Variants in OR7A5 observed in about 807,000 individuals in gnomAD.
OR7A5 encodes the protein olfactory receptor 7A5.
For synonymous variants in OR7A5, 140 were observed against 146.7 expected (o/e 0.95, Z 0.33); for missense variants, 319 against 377.9 (o/e 0.84, Z 1.29).
intron 1 of OR7A5, among the ~76,000 whole-genome samples, chr19:14,831,807 G>C (rs557654364): frequency 6.6e-6 from 1 of 152,032 alleles, no homozygotes; most frequent in East Asian, 1.9e-4. Context: ...CAAATCCAAT[G>C]AGCTTGTTTC....
At chr19:14,829,786 T>C (rs2044813157) in intron 1 of OR7A5, among the ~76,000 whole-genome samples, 1 of 152,160 alleles carries the variant, frequency 6.6e-6, no homozygotes, top group Non-Finnish European at 1.5e-5. Context: ...TCCTTTATAA[T>C]AAAATATATT....
chr19:14,827,882 A>T lies in OR7A5; in HGVS notation c.360T>A (p.Tyr120Ter). 3.1e-6 allele frequency: 5 copies of T among 1,614,240 alleles called. No homozygotes were observed. Among genetic ancestry groups the T allele is most frequent in the South Asian group, 1.1e-5 (1 of 91,090 alleles). Reference protein sequence around the residue: ...FENFLLSVMAYDRFVAICHPL... With the variant: ...FENFLLSVMA ...GGTGACAGATGGCCACAAACCGGTCATAGGCCATCACGGACAGGAGGAAGT... is the reference window on the plus strand; with the variant it reads ...GGTGACAGATGGCCACAAACCGGTCTTAGGCCATCACGGACAGGAGGAAGT... Residue 120 changes from tyrosine to a stop codon, truncating the protein, a stop_gained, in exon 2 of 2, where the codon TAT becomes TAA. Coordinates refer to ENST00000322301, the MANE Select transcript of OR7A5 (RefSeq NM_017506.2). LOFTEE classifies it low-confidence loss of function (END_TRUNC).
intron 1 of OR7A5, among the ~76,000 whole-genome samples, chr19:14,834,723 T>G (rs1599929131): frequency 6.6e-6 from 1 of 152,174 alleles, no homozygotes; most frequent in Admixed American, 6.5e-5. Context: ...TGACTGTATA[T>G]CCCTCCACAG....
intron 1 of OR7A5, among the ~76,000 whole-genome samples, chr19:14,828,658 C>A (rs1426870119): frequency 6.9e-6 from 1 of 145,516 alleles, no homozygotes; most frequent in Non-Finnish European, 1.5e-5. Flanking sequence ...ACTTGGGAGG[C>A]TGAGGCAAGG....
rs2145074818 is a variant in OR7A5 at position 14,826,657 on chromosome 19, A to G, written c.*625T>C. ...ACTGTAAGTCCATATTAAGTTAATC[A>G]ACATATGCAAGTTTGTCTTTCAGTG... On this transcript the variant is annotated 3_prime_UTR_variant, in exon 2 of 2. Transcript: ENST00000322301. The G allele has an allele frequency of 6.6e-6, 1 of 152,340 alleles. No individual in the cohort carries two copies. The highest frequency in any genetic ancestry group is 6.5e-5 in the Admixed American group (1 of 15,298). The allele number at this position is 152,340 out of a possible 1,614,324, so 9.4% of individuals were successfully genotyped here. A position where few individuals can be genotyped will look rare whatever the true frequency, so the allele number is the denominator to read the frequency against.
Position 14,827,667 on chromosome 19 carries a change from C to G in OR7A5, c.575G>C (p.Ser192Thr). ...ATATATCACCATGTGATTAAGAAAG[C>G]TATCAGAACAAGCAAGTTGGATGAC... Reference protein sequence around the residue: ...NQVIQLACSDSFLNHMVIYFT... With the variant: ...NQVIQLACSDTFLNHMVIYFT... Residue 192 changes from serine to threonine, a missense_variant, in exon 2 of 2, where the codon AGC becomes ACC. Physicochemically the swap from Ser to Thr is moderately conservative, Grantham distance 58. Coordinates refer to ENST00000322301, the MANE Select transcript of OR7A5 (RefSeq NM_017506.2). 6.2e-7 allele frequency: 1 copy of G among 1,614,164 alleles called. No homozygotes were observed. The highest frequency in any genetic ancestry group is 8.5e-7 in the Non-Finnish European group (1 of 1,180,034).
chr19:14,832,202 G>A (rs140272127), intron 1 of OR7A5, among the ~76,000 whole-genome samples: 4 of 152,116 alleles, frequency 2.6e-5, no homozygotes, highest in African/African-American at 9.6e-5. Flanking sequence ...GAGTCACCTC[G>A]CTTGGCCTGA....
intron 1 of OR7A5, among the ~76,000 whole-genome samples, chr19:14,829,445 C>T (rs924693292): frequency 3.3e-5 from 5 of 152,128 alleles, no homozygotes; most frequent in South Asian, 2.1e-4. Flanking sequence ...TCAGGTGATC[C>T]GCTCACCTCG....
At chr19:14,831,184 T>C (rs8109791) in intron 1 of OR7A5, among the ~76,000 whole-genome samples, 70,196 of 152,036 alleles carry the variant, frequency 0.46, 16,841 homozygotes, top group East Asian at 0.81. Flanking sequence ...TAATGATACC[T>C]TTTTTGGCAA....
intron 1 of OR7A5, among the ~76,000 whole-genome samples, chr19:14,833,687 C>T (rs1291149604): frequency 2.0e-5 from 3 of 152,118 alleles, no homozygotes; most frequent in East Asian, 1.9e-4. Context: ...TAATTTTAAA[C>T]GCTGGTAACT....
Position 14,826,327 on chromosome 19 carries a change from T to G in OR7A5, c.*955A>C, listed in dbSNP as rs1008533572. 6.6e-6 allele frequency: 1 copy of G among 152,232 alleles called. No homozygotes were observed. The highest frequency in any genetic ancestry group is 2.4e-5 in the African/African-American group (1 of 41,466). The allele number at this position is 152,232 out of a possible 1,614,324, so 9.4% of individuals were successfully genotyped here. A position where few individuals can be genotyped will look rare whatever the true frequency, so the allele number is the denominator to read the frequency against. On this transcript the variant is annotated 3_prime_UTR_variant, in exon 2 of 2. Transcript: ENST00000322301. The stretch of plus-strand genomic sequence containing the variant: ...AATAAATTGATGATACATTGAATAT[T>G]GTTCACTGACCTGCACTTTAATGTT...
At chr19:14,828,679 G>A (rs2044799293) in intron 1 of OR7A5, among the ~76,000 whole-genome samples, 2 of 141,354 alleles carry the variant, frequency 1.4e-5, no homozygotes, top group South Asian at 4.8e-4. Flanking sequence ...AGAATCTCTT[G>A]ACCCCGGGAG....
At chr19:14,831,885 A>ACTATT (rs1178267236) in intron 1 of OR7A5, among the ~76,000 whole-genome samples, 1 of 152,056 alleles carries the variant, frequency 6.6e-6, no homozygotes, top group African/African-American at 2.4e-5. Context: ...ACACGTCATG[A>ACTATT]CTATTCTATT....
Position 14,829,338 on chromosome 19 carries a change from G to C in OR7A5, c.-13-1084C>G, listed in dbSNP as rs149033681. ...CCTGCCTCAGCCTCCCGAGTAGCTG[G>C]GATTACAGGCATGCACCACCACGCC... On this transcript the variant is annotated intron_variant, in intron 1 of 1. Transcript: ENST00000322301. Among the ~76,000 whole-genome samples, 6 of 152,288 alleles carry C rather than the reference G, an allele frequency of 3.9e-5. No individual in the cohort carries two copies. In the East Asian group the frequency reaches 1.2e-3, roughly 29 times the overall value.
At chr19:14,829,712 T>C (rs950312837) in intron 1 of OR7A5, among the ~76,000 whole-genome samples, 1 of 152,252 alleles carries the variant, frequency 6.6e-6, no homozygotes, top group African/African-American at 2.4e-5. Flanking sequence ...GTCACATCAA[T>C]TGAAATGCAT....
intron 1 of OR7A5, among the ~76,000 whole-genome samples, chr19:14,832,526 A>C (rs565624277): frequency 3.7e-3 from 559 of 151,460 alleles, no homozygotes; most frequent in Non-Finnish European, 6.3e-3. Flanking sequence ...TCCTGGGTTC[A>C]AGCGATTCTC....
At position 14,827,961 on chromosome 19, in the gene OR7A5, TA is replaced by T. The variant is rs751797631; in HGVS notation, c.280del (p.Tyr94ThrfsTer2). On this transcript the variant is annotated frameshift_variant, in exon 2 of 2. Transcript: ENST00000322301. LOFTEE classifies it low-confidence loss of function (END_TRUNC). ...NIQTQNKVITYIACLMQMYFF... is the reference protein window; with the variant it reads ...NIQTQNKVITXIACLMQMYFF... ...ATACATCTGCATGAGGCAGGCTATG[TA>T]GGTGATGACTTTGTTCTGTGTCTGG... The T allele has an allele frequency of 6.2e-7, 1 of 1,614,082 alleles. No individual in the cohort carries two copies. Among genetic ancestry groups the T allele is most frequent in the African/African-American group, 1.3e-5 (1 of 74,928 alleles).
rs375119512 is a variant in OR7A5, at chr19:14,826,361, A to C, written c.*921T>G. The C allele has an allele frequency of 4.6e-5, 7 of 152,326 alleles. No individual in the cohort carries two copies. Among genetic ancestry groups the C allele is most frequent in the African/African-American group, 1.7e-4 (7 of 41,580 alleles). The allele number at this position is 152,326 out of a possible 1,614,324, so 9.4% of individuals were successfully genotyped here. ...ACCTGCACTTTAATGTTTACGACAAAATTTTATAATGAAGGAGGTATTTTG... is the reference window on the plus strand; with the variant it reads ...ACCTGCACTTTAATGTTTACGACAACATTTTATAATGAAGGAGGTATTTTG... On this transcript the variant is annotated 3_prime_UTR_variant, in exon 2 of 2. Coordinates refer to ENST00000322301, the MANE Select transcript of OR7A5 (RefSeq NM_017506.2).
chr19:14,828,319 A>G (rs1599924673), intron 1 of OR7A5, 65 bp from the exon 2 acceptor site: 2 of 1,414,742 alleles, frequency 1.4e-6, no homozygotes, highest in East Asian at 2.3e-5. Flanking sequence ...TTTCAGAAAT[A>G]CCATCATTTA....
Sources: allele counts gnomAD v4.1 joint callset (sites outside exome capture counted in the v4.1 genomes callset), GRCh38; gene constraint gnomAD v4.1.1; transcripts MANE v1.5; gene names NCBI Gene and HGNC (gene_info 2026-07-23, HGNC 2026-07-21).